The following RUBCN variants were observed in gnomAD, a reference collection of about 807,000 sequenced individuals.
RUBCN encodes run domain Beclin-1-interacting and cysteine-rich domain-containing protein.
In RUBCN, 74 loss-of-function variants were observed where a neutral mutation model predicts 113.2. The observed-to-expected ratio is 0.65, with a 90% CI of 0.54 to 0.79. RUBCN has a LOEUF of 0.79. Ranked by LOEUF, RUBCN falls within the 30% of genes least tolerant of loss-of-function variation. The pLI is 0.00. For synonymous variants in RUBCN, 480 were observed against 490.0 expected (o/e 0.98, Z 0.27); for missense variants, 1,109 against 1,251.7 (o/e 0.89, Z 1.72).
chr3:197,745,909 C>T (rs1416507678), intron 1 of RUBCN, among the ~76,000 whole-genome samples: 4 of 151,820 alleles, frequency 2.6e-5, no homozygotes, highest in African/African-American at 7.3e-5. Context: ...TGGTGCCATG[C>T]ACCTGTAATC....
Position 197,673,853 on chromosome 3 carries a change from G to A in RUBCN, c.*1165C>T, listed in dbSNP as rs1720036310. The A allele has an allele frequency of 6.6e-6, 1 of 152,272 alleles. No individual in the cohort carries two copies. Among genetic ancestry groups the A allele is most frequent in the Admixed American group, 6.5e-5 (1 of 15,276 alleles). 9.4% of individuals were successfully genotyped at this position (152,272 alleles called of 1,614,324 possible). A position where few individuals can be genotyped will look rare whatever the true frequency, so the allele number is the denominator to read the frequency against. On this transcript the variant is annotated 3_prime_UTR_variant, in exon 20 of 20. Transcript: ENST00000296343. ...GCTCTTGTTATCCCAAGAACACAGG[G>A]ACATTCACACTCACATCCACAAACC...
chr3:197,699,523 G>T (rs1288985567), intron 7 of RUBCN, among the ~76,000 whole-genome samples: 1 of 152,184 alleles, frequency 6.6e-6, no homozygotes, highest in Non-Finnish European at 1.5e-5. Flanking sequence ...AAAGGCCAGT[G>T]GCTTGGAGTA....
At chr3:197,712,491 T>C (rs1365975124) in intron 2 of RUBCN, among the ~76,000 whole-genome samples, 2 of 152,154 alleles carry the variant, frequency 1.3e-5, no homozygotes, top group East Asian at 3.9e-4. Flanking sequence ...CTGAAACCTT[T>C]GAAAGCCCTC....
rs1309044927 is a variant in RUBCN at position 197,713,073 on chromosome 3, G to C, written c.219+4904C>G. 2.0e-5 allele frequency among the ~76,000 whole-genome samples: 3 copies of C among 152,088 alleles called. No homozygotes were observed. In the East Asian group the frequency reaches 5.8e-4, roughly 29 times the overall value. On this transcript the variant is annotated intron_variant, in intron 2 of 19. Transcript: ENST00000296343. ...GGGGTTTCACCATGTTGGTCAGGCT[G>C]GTCGTAAACTTCTGACCTCAGGTGA...
chr3:197,704,927 T>A (rs1485630963), intron 3 of RUBCN, among the ~76,000 whole-genome samples, 165 bp downstream of exon 3: 5 of 151,960 alleles, frequency 3.3e-5, no homozygotes, highest in South Asian at 2.1e-4. Context: ...TTTTTTTTTT[T>A]AAGCAAATAA....
chr3:197,698,869 A>C (rs1723311538), intron 7 of RUBCN, among the ~76,000 whole-genome samples: 1 of 151,782 alleles, frequency 6.6e-6, no homozygotes, highest in Non-Finnish European at 1.5e-5. Context: ...AATTTAAAAA[A>C]AGAAAAAAAA....
intron 18 of RUBCN, chr3:197,676,085 A>G: frequency 1.7e-6 from 1 of 598,934 alleles, no homozygotes; most frequent in Non-Finnish European, 2.1e-6. Flanking sequence ...TGACGACAAT[A>G]ACGACGTGCG....
Position 197,669,617 on chromosome 3 carries a change from T to C in RUBCN, c.*5401A>G, listed in dbSNP as rs922557055. Among the ~76,000 whole-genome samples, 4 of 152,042 alleles carry C rather than the reference T, an allele frequency of 2.6e-5. No homozygotes were observed. The highest frequency in any genetic ancestry group is 5.9e-5 in the Non-Finnish European group (4 of 68,034). The stretch of plus-strand genomic sequence containing the variant: ...CTTGGTTAAGGTCGTGTTAGCTCTC[T>C]CTACTCTAAAGTTGCTATTTTCCTC... On this transcript the variant is annotated 3_prime_UTR_variant, in exon 20 of 20. Transcript: ENST00000296343.
Position 197,700,975 on chromosome 3 carries a change from G to T in RUBCN, c.899C>A (p.Thr300Asn). 1 of 1,614,198 alleles carries T rather than the reference G, an allele frequency of 6.2e-7. No individual in the cohort carries two copies. Among genetic ancestry groups the T allele is most frequent in the Non-Finnish European group, 8.5e-7 (1 of 1,180,040 alleles). The change falls in exon 7 of 20, where the codon ACC becomes AAC. Residue 300 changes from threonine (T) to asparagine (N), a missense_variant. By Grantham distance (65) the Thr-to-Asn change is moderately conservative. This residue lies in a region of RUBCN where 736 missense variants were observed against 779.6 expected (regional missense o/e 0.94). Transcript: ENST00000296343. ...TPNEMSSSTL[T>N]SPIEASWVSS... ...GACCCAGGATGCCTCTATGGGGCTG[G>T]TCAGAGTACTGGAGCTCATTTCATT...
At position 197,700,770 on chromosome 3, in the gene RUBCN, G is replaced by A; in HGVS notation, c.1104C>T (p.Ser368=). The A allele has an allele frequency of 1.2e-6, 2 of 1,614,192 alleles. No individual in the cohort carries two copies. The highest frequency in any genetic ancestry group is 1.7e-6 in the Non-Finnish European group (2 of 1,180,028). Residue 368 remains serine, a synonymous_variant, in exon 7 of 20, where the codon TCC becomes TCT. Transcript: ENST00000296343. ...SSQKPDSAAS[S]LGDQEGGGES... is the part of the protein sequence containing the mutation. ...CCCCACCTCCTTCCTGGTCCCCTAA[G>A]GAAGAGGCAGCAGAATCTGGCTTCT...
At chr3:197,731,647 A>G (rs1486447801) in intron 1 of RUBCN, among the ~76,000 whole-genome samples, 5 of 145,508 alleles carry the variant, frequency 3.4e-5, no homozygotes, top group African/African-American at 1.3e-4. Context: ...TCCCTCCCGG[A>G]CGGGGCGGCT....
chr3:197,689,795 C>T (rs1722226853), intron 11 of RUBCN, among the ~76,000 whole-genome samples: 1 of 152,152 alleles, frequency 6.6e-6, no homozygotes, highest in South Asian at 2.1e-4. Flanking sequence ...ATTGATTGAA[C>T]ATTTATCATT....
intron 11 of RUBCN, among the ~76,000 whole-genome samples, chr3:197,692,447 C>T (rs765114552): frequency 2.6e-5 from 4 of 151,430 alleles, no homozygotes; most frequent in Non-Finnish European, 5.9e-5. Context: ...GGAAGGGGGT[C>T]GTGGGAATCT....
At chr3:197,730,716 G>A (rs1727325495) in intron 1 of RUBCN, among the ~76,000 whole-genome samples, 1 of 151,738 alleles carries the variant, frequency 6.6e-6, no homozygotes, top group Non-Finnish European at 1.5e-5. Context: ...GGGGTTGAAA[G>A]GAAACAGTGT....
At chr3:197,691,924 A>G (rs1722463590) in intron 11 of RUBCN, among the ~76,000 whole-genome samples, 1 of 152,074 alleles carries the variant, frequency 6.6e-6, no homozygotes, top group Non-Finnish European at 1.5e-5. Context: ...GAGAATTCCT[A>G]AAATTCTTGG....
chr3:197,694,440 CG>C lies in RUBCN; in HGVS notation c.1618del (p.Arg540AlafsTer95). 1 of 1,614,200 alleles carries C rather than the reference CG, an allele frequency of 6.2e-7. No homozygotes were observed. Among genetic ancestry groups the C allele is most frequent in the South Asian group, 1.1e-5 (1 of 91,080 alleles). On this transcript the variant is annotated frameshift_variant, in exon 10 of 20. Transcript: ENST00000296343. LOFTEE classifies it high-confidence loss of function. ...REIQELKQKI[R>X]LRRQQIRTKN... Reference sequence around the variant, plus strand: ...GGTGCGGATTTGCTGGCGCCGAAGGCGGATCTTCTGCTTCAGCTCCTGGATC... The same window carrying C: ...GGTGCGGATTTGCTGGCGCCGAAGGCGATCTTCTGCTTCAGCTCCTGGATC...
intron 13 of RUBCN, 102 bp from the exon 14 acceptor site, chr3:197,682,717 T>C: frequency 3.3e-6 from 5 of 1,495,926 alleles, no homozygotes; most frequent in East Asian, 2.3e-5. Context: ...AAAAACACAG[T>C]TGGGGTAAGT....
chr3:197,698,851 GT>G (rs1723305750), intron 7 of RUBCN, among the ~76,000 whole-genome samples: 1 of 133,742 alleles, frequency 7.5e-6, no homozygotes. Flanking sequence ...AAAAAAAAAA[GT>G]AAAAAAAATT....
chr3:197,684,511 AGCATCCTAAG>A, intron 11 of RUBCN, among the ~76,000 whole-genome samples: 1 of 152,248 alleles, frequency 6.6e-6, no homozygotes, highest in East Asian at 1.9e-4. Context: ...TGAGAAGACG[AGCATCCTAAG>A]GCACACAGGG....
Sources: allele counts gnomAD v4.1 joint callset (sites outside exome capture counted in the v4.1 genomes callset), GRCh38; gene constraint gnomAD v4.1.1; regional missense constraint gnomAD v4.1.1; transcripts MANE v1.5; gene names NCBI Gene and HGNC (gene_info 2026-07-23, HGNC 2026-07-21).